The following RASEF variants were observed in gnomAD, a reference collection of about 807,000 sequenced individuals.
RASEF encodes RAS and EF-hand domain containing.
RASEF carries 68 observed loss-of-function variants against 90.1 expected under a neutral mutation model. That is an observed-to-expected ratio of 0.75 (90% CI 0.62 to 0.92). The LOEUF (loss-of-function observed/expected upper bound fraction) is 0.92. Among genes scored for constraint, RASEF ranks in the 40% least tolerant of loss-of-function variants. RASEF has a pLI of 0.00. For missense variants in RASEF, 949 were observed against 937.2 expected (o/e 1.01, Z -0.16); for synonymous variants, 331 against 345.2 (o/e 0.96, Z 0.46).
At chr9:83,091,658 G>A in the RASEF span, among the ~76,000 whole-genome samples, 32 of 152,082 alleles carry the variant, frequency 2.1e-4, no homozygotes, top group South Asian at 2.1e-4. Context: ...ATTGTTTGCC[G>A]CAGCTGTTAT....
chr9:83,034,729 C>T (rs1271638000), intron 1 of RASEF, among the ~76,000 whole-genome samples: 1 of 152,212 alleles, frequency 6.6e-6, no homozygotes, highest in African/African-American at 2.4e-5. Flanking sequence ...GAATACAGCA[C>T]AGGATAAGTG....
chr9:83,099,172 C>T, the RASEF span, among the ~76,000 whole-genome samples: 2 of 152,036 alleles, frequency 1.3e-5, no homozygotes, highest in Non-Finnish European at 2.9e-5. Flanking sequence ...ATTCCCTGTA[C>T]CTGTTATAGT....
At chr9:83,036,768 T>A (rs1411706501) in intron 1 of RASEF, among the ~76,000 whole-genome samples, 1 of 152,160 alleles carries the variant, frequency 6.6e-6, no homozygotes, top group African/African-American at 2.4e-5. Context: ...TAGTTAATAA[T>A]AGTGAATCAA....
the RASEF span, among the ~76,000 whole-genome samples, chr9:83,158,035 T>C: frequency 6.6e-6 from 1 of 152,196 alleles, no homozygotes; most frequent in Non-Finnish European, 1.5e-5. Context: ...TGAATTTTCA[T>C]CTAAACTAAA....
At chr9:83,123,292 C>T in the RASEF span, among the ~76,000 whole-genome samples, 1 of 151,206 alleles carries the variant, frequency 6.6e-6, no homozygotes, top group Non-Finnish European at 1.5e-5. Context: ...TAGCATTCTC[C>T]CTCCCAAGGT....
At chr9:83,037,480 G>C (rs1381612426) in intron 1 of RASEF, among the ~76,000 whole-genome samples, 1 of 152,014 alleles carries the variant, frequency 6.6e-6, no homozygotes, top group African/African-American at 2.4e-5. Flanking sequence ...AAGCATTGTA[G>C]TAAAAATTAT....
At chr9:83,204,774 G>A in the RASEF span, among the ~76,000 whole-genome samples, 2 of 152,126 alleles carry the variant, frequency 1.3e-5, no homozygotes, top group Admixed American at 6.5e-5. Flanking sequence ...ATGATGACAT[G>A]GGACTGTTTT....
intron 6 of RASEF, among the ~76,000 whole-genome samples, chr9:83,008,787 C>T (rs1344730860): frequency 4.6e-5 from 7 of 151,166 alleles, no homozygotes; most frequent in Non-Finnish European, 8.9e-5. Context: ...TTAACCCAAA[C>T]CATGACTACG....
At chr9:83,144,986 A>C in the RASEF span, among the ~76,000 whole-genome samples, 96 of 152,222 alleles carry the variant, frequency 6.3e-4, 1 homozygote, top group Admixed American at 2.2e-3. Context: ...TTTTATTCTC[A>C]TAAACATCTC....
In RASEF at chr9:82,982,450, A is replaced by G; in HGVS notation, c.*227T>C. ...TTACATGTTATCTTTTAAGACCTGTAAGGACATGACTAGTCTATTTAGCCA... is the reference window on the plus strand; with the variant it reads ...TTACATGTTATCTTTTAAGACCTGTGAGGACATGACTAGTCTATTTAGCCA... On this transcript the variant is annotated 3_prime_UTR_variant, in exon 17 of 17. Coordinates refer to ENST00000376447, the MANE Select transcript of RASEF (RefSeq NM_152573.4). 1 of 400,210 alleles carries G rather than the reference A, an allele frequency of 2.5e-6. No homozygotes were observed. 24.8% of individuals were successfully genotyped at this position (400,210 alleles called of 1,614,324 possible). A position where few individuals can be genotyped will look rare whatever the true frequency, so the allele number is the denominator to read the frequency against.
the RASEF span, among the ~76,000 whole-genome samples, chr9:83,094,367 G>T: frequency 1.3e-5 from 2 of 151,610 alleles, no homozygotes; most frequent in Non-Finnish European, 2.9e-5. Flanking sequence ...ATGTTAAAAT[G>T]ATAATATTTC....
intron 1 of RASEF, among the ~76,000 whole-genome samples, chr9:83,028,446 A>G (rs2118586598): frequency 6.6e-6 from 1 of 152,322 alleles, no homozygotes; most frequent in South Asian, 2.1e-4. Flanking sequence ...CAGCCACAGA[A>G]GACCACTCAG....
the RASEF span, among the ~76,000 whole-genome samples, chr9:83,200,771 A>C: frequency 6.6e-6 from 1 of 152,170 alleles, no homozygotes; most frequent in Admixed American, 6.5e-5. Flanking sequence ...TGCTACATGA[A>C]TTAGTTAAGT....
intron 2 of RASEF, among the ~76,000 whole-genome samples, chr9:83,023,990 G>T (rs1271035061): frequency 6.6e-6 from 1 of 152,208 alleles, no homozygotes; most frequent in Non-Finnish European, 1.5e-5. Context: ...CTGTGACCTA[G>T]TCCGGGGCTC....
intron 5 of RASEF, 39 bp downstream of exon 5, chr9:83,012,395 C>T (rs1829262102): frequency 8.0e-6 from 9 of 1,125,402 alleles, no homozygotes; most frequent in Non-Finnish European, 1.2e-5. Context: ...TGTGGTCTAA[C>T]AGGAAGTGCA....
At chr9:83,061,254 T>A (rs979436514) in intron 1 of RASEF, among the ~76,000 whole-genome samples, 1 of 152,160 alleles carries the variant, frequency 6.6e-6, no homozygotes, top group African/African-American at 2.4e-5. Context: ...TCTATGGCAG[T>A]GAGTCACTCT....
At chr9:83,082,854 T>A in the RASEF span, among the ~76,000 whole-genome samples, 1 of 152,168 alleles carries the variant, frequency 6.6e-6, no homozygotes, top group Non-Finnish European at 1.5e-5. Context: ...GATGGAACTA[T>A]TATTAGAAAG....
At chr9:83,203,092 C>T in the RASEF span, among the ~76,000 whole-genome samples, 11 of 151,762 alleles carry the variant, frequency 7.2e-5, no homozygotes, top group African/African-American at 2.7e-4. Flanking sequence ...ATATTATATG[C>T]CCCATATATA....
In RASEF at chr9:83,062,646, G is replaced by A. The variant is rs1381706895; in HGVS notation, c.222C>T (p.Ser74=). The part of the protein sequence containing the change: ...FQEFARGFLG[S]LRGGRRRDWG... Reference sequence around the variant, plus strand: ...AGTCCCGGCGCCGCCCCCCGCGGAGGGACCCGAGGAAGCCACGCGCGAACT... The same window carrying A: ...AGTCCCGGCGCCGCCCCCCGCGGAGAGACCCGAGGAAGCCACGCGCGAACT... The change falls in exon 1 of 17, where the codon TCC becomes TCT. Residue 74 remains serine (S), a synonymous_variant. Transcript: ENST00000376447. The A allele has an allele frequency of 1.9e-6, 3 of 1,558,640 alleles. No homozygotes were observed. The highest frequency in any genetic ancestry group is 1.7e-6 in the Non-Finnish European group (2 of 1,158,934).
Sources: allele counts gnomAD v4.1 joint callset (sites outside exome capture counted in the v4.1 genomes callset), GRCh38; gene constraint gnomAD v4.1.1; transcripts MANE v1.5; gene names NCBI Gene and HGNC (gene_info 2026-07-23, HGNC 2026-07-21).